CDH12: variants seen among roughly 807,000 people sequenced by gnomAD.
CDH12 encodes cadherin 12.
Under a neutral mutation model 74.1 loss-of-function variants are expected in CDH12, and 41 were observed. The observed-to-expected ratio is 0.55, with a 90% CI of 0.43 to 0.72. The LOEUF (loss-of-function observed/expected upper bound fraction) is 0.72, where lower values mean the gene tolerates loss of function less well. Ranked by LOEUF, CDH12 falls within the 30% of genes least tolerant of loss-of-function variation. The pLI is 0.00. For synonymous variants in CDH12, 399 were observed against 355.0 expected (o/e 1.12, Z -1.39); for missense variants, 945 against 977.2 (o/e 0.97, Z 0.44).
intron 3 of CDH12, among the ~76,000 whole-genome samples, chr5:22,387,480 G>A (rs1025168925): frequency 6.6e-6 from 1 of 152,064 alleles, no homozygotes; most frequent in African/African-American, 2.4e-5. Flanking sequence ...TGTTAGAGTG[G>A]CTTTGACTGA....
chr5:22,656,262 T>C (rs1740029568), intron 1 of CDH12, among the ~76,000 whole-genome samples: 1 of 152,208 alleles, frequency 6.6e-6, no homozygotes. Flanking sequence ...CTGGATTTTA[T>C]AAGGTCTTGC....
chr5:22,743,332 T>A (rs1745131981), intron 1 of CDH12, among the ~76,000 whole-genome samples: 1 of 150,150 alleles, frequency 6.7e-6, no homozygotes, highest in Admixed American at 6.7e-5. Context: ...GCACATCTTA[T>A]TGGATTCATT....
At chr5:22,352,816 A>G (rs1039393293) in intron 3 of CDH12, among the ~76,000 whole-genome samples, 5 of 152,150 alleles carry the variant, frequency 3.3e-5, no homozygotes, top group Non-Finnish European at 5.9e-5. Flanking sequence ...TTATTTAGAA[A>G]CTGTTGAGTT....
At chr5:22,280,821 T>C (rs563426678) in intron 3 of CDH12, among the ~76,000 whole-genome samples, 3 of 152,216 alleles carry the variant, frequency 2.0e-5, no homozygotes, top group Non-Finnish European at 4.4e-5. Flanking sequence ...CCATTCCTTC[T>C]GAGACTATTC....
chr5:22,285,283 C>T (rs1326178530), intron 3 of CDH12, among the ~76,000 whole-genome samples: 6 of 151,994 alleles, frequency 3.9e-5, no homozygotes, highest in Non-Finnish European at 8.8e-5. Flanking sequence ...TGGTTAAAGA[C>T]GTAACAACTT....
chr5:22,202,008 T>C (rs1337190334), intron 4 of CDH12, among the ~76,000 whole-genome samples: 3 of 152,018 alleles, frequency 2.0e-5, no homozygotes, highest in Non-Finnish European at 4.4e-5. Context: ...ACTTGACACA[T>C]TGGGTGGATT....
rs563386805 is a variant in CDH12, at chr5:21,873,023, G to A, written c.527-18233C>T. On this transcript the variant is annotated intron_variant, in intron 6 of 14. Transcript: ENST00000382254. The stretch of plus-strand genomic sequence containing the variant: ...ATATATATGCATATATAGTATATAC[G>A]TGTGTGTATAAACTAGCAGTTAGAA... Among the ~76,000 whole-genome samples, 9 of 151,976 alleles carry A rather than the reference G, an allele frequency of 5.9e-5. No homozygotes were observed. In the Middle Eastern group the frequency reaches 0.01, roughly 173 times the overall value.
At chr5:22,396,691 A>G (rs905584469) in intron 3 of CDH12, among the ~76,000 whole-genome samples, 4 of 152,060 alleles carry the variant, frequency 2.6e-5, no homozygotes, top group African/African-American at 4.8e-5. Context: ...CCAAACTCCA[A>G]TGGGTCATAT....
chr5:22,195,353 A>G (rs1750560885), intron 4 of CDH12, among the ~76,000 whole-genome samples: 2 of 152,162 alleles, frequency 1.3e-5, no homozygotes, highest in Non-Finnish European at 2.9e-5. Context: ...ATGCTATGAA[A>G]GGAAATCAGA....
intron 6 of CDH12, chr5:21,882,662 T>A: frequency 1.9e-6 from 3 of 1,606,128 alleles, no homozygotes; most frequent in Non-Finnish European, 2.6e-6. Flanking sequence ...CACTCGAGCT[T>A]ATGCCAAAGA....
chr5:22,422,263 T>C lies in CDH12; in HGVS notation c.-427-16912A>G, dbSNP rs188182465. Among the ~76,000 whole-genome samples the C allele has an allele frequency of 2.0e-5, 3 of 152,280 alleles. No individual in the cohort carries two copies. The East Asian group carries it at 5.8e-4, about 29-fold the overall frequency. On this transcript the variant is annotated intron_variant, in intron 2 of 14. Coordinates refer to ENST00000382254, the MANE Select transcript of CDH12 (RefSeq NM_004061.5). ...TCTTACTATTTTGAGGTAGGTTCCA[T>C]TAATACCTAGTTTAATGAGAGTCTT...
intron 4 of CDH12, among the ~76,000 whole-genome samples, chr5:22,120,591 T>C (rs192136804): frequency 6.6e-6 from 1 of 152,262 alleles, no homozygotes; most frequent in East Asian, 1.9e-4. Flanking sequence ...TTCTTTAATA[T>C]ATGGAAATGT....
intron 1 of CDH12, among the ~76,000 whole-genome samples, chr5:22,634,692 A>C (rs1738746392): frequency 6.6e-6 from 1 of 152,142 alleles, no homozygotes; most frequent in Admixed American, 6.6e-5. Flanking sequence ...ATGTGCAAAA[A>C]TCAATTGAAT....
chr5:22,123,386 C>G (rs1257304353), intron 4 of CDH12, among the ~76,000 whole-genome samples: 2 of 152,188 alleles, frequency 1.3e-5, no homozygotes, highest in African/African-American at 2.4e-5. Context: ...TTTGCTATAG[C>G]AGTCCCCAAA....
At chr5:22,496,380 T>C (rs1383066908) in intron 2 of CDH12, among the ~76,000 whole-genome samples, 1 of 152,224 alleles carries the variant, frequency 6.6e-6, no homozygotes, top group Non-Finnish European at 1.5e-5. Flanking sequence ...AGGGAAAATG[T>C]TGCAACATAA....
chr5:22,785,031 A>AT (rs1274900522), intron 1 of CDH12, among the ~76,000 whole-genome samples: 3 of 152,096 alleles, frequency 2.0e-5, no homozygotes, highest in Non-Finnish European at 2.9e-5. Flanking sequence ...TTAATATTTG[A>AT]TTTTTGTGTA....
At position 22,774,730 on chromosome 5, in the gene CDH12, TATAA is replaced by T. The variant is rs558502163; in HGVS notation, c.-523+78324_-523+78327del. Among the ~76,000 whole-genome samples the T allele has an allele frequency of 5.2e-3, 787 of 152,182 alleles. 5 individuals carry two copies. The highest frequency in any genetic ancestry group is 9.2e-3 in the Non-Finnish European group (626 of 68,004). ...GTTCTCCATTAAACCTCTTTTTCTG[TATAA>T]ATTAACCAGTTTTGGGTATATCTTT... is the stretch of plus-strand genomic sequence containing the variant. On this transcript the variant is annotated intron_variant, in intron 1 of 14. Transcript: ENST00000382254.
Position 22,158,035 on chromosome 5 carries a change from A to G in CDH12, c.-187+54463T>C, listed in dbSNP as rs1159816497. Among the ~76,000 whole-genome samples, 4 of 152,156 alleles carry G rather than the reference A, an allele frequency of 2.6e-5. No homozygotes were observed. In the South Asian group the frequency reaches 8.3e-4, roughly 32 times the overall value. ...ATTACAATTCACTATGTGTACTCAT[A>G]CCTAGTCATGAGGTCCTCATATATA... On this transcript the variant is annotated intron_variant, in intron 4 of 14. Transcript: ENST00000382254.
At chr5:22,687,594 T>C (rs1741878556) in intron 1 of CDH12, among the ~76,000 whole-genome samples, 1 of 152,046 alleles carries the variant, frequency 6.6e-6, no homozygotes, top group South Asian at 2.1e-4. Flanking sequence ...TTAAATTTTT[T>C]TGTAGCGATG....
Sources: allele counts gnomAD v4.1 joint callset (sites outside exome capture counted in the v4.1 genomes callset), GRCh38; gene constraint gnomAD v4.1.1; transcripts MANE v1.5; gene names NCBI Gene and HGNC (gene_info 2026-07-23, HGNC 2026-07-21).